The following CADM2 variants were observed in gnomAD, a reference collection of about 807,000 sequenced individuals.
CADM2 encodes the protein cell adhesion molecule 2, also known as immunoglobulin superfamily member 4D.
In CADM2, 12 loss-of-function variants were observed where a neutral mutation model predicts 49.8. The observed-to-expected ratio is 0.24, with a 90% CI of 0.15 to 0.39. The LOEUF is 0.39. CADM2 is among the 10% of genes least tolerant of loss of function. The pLI is 1.00. For missense variants in CADM2, 378 were observed against 492.3 expected (o/e 0.77, Z 2.20); for synonymous variants, 214 against 175.4 (o/e 1.22, Z -1.74).
intron 1 of CADM2, among the ~76,000 whole-genome samples, chr3:85,073,785 A>G (rs2036842832): frequency 6.6e-6 from 1 of 152,144 alleles, no homozygotes; most frequent in African/African-American, 2.4e-5. Context: ...TGGGTATTTC[A>G]CACTGACAGC....
intron 1 of CADM2, among the ~76,000 whole-genome samples, chr3:85,192,047 A>G (rs2041222003): frequency 6.6e-6 from 1 of 151,898 alleles, no homozygotes; most frequent in Non-Finnish European, 1.5e-5. Flanking sequence ...AATGAAATAA[A>G]ATTTTACCTG....
intron 8 of CADM2, among the ~76,000 whole-genome samples, chr3:86,051,103 G>A (rs937481285): frequency 2.0e-5 from 3 of 151,792 alleles, no homozygotes; most frequent in Non-Finnish European, 4.4e-5. Context: ...ATCATTTCTT[G>A]GCTTACACAT....
chr3:85,499,234 T>C (rs868257025), intron 1 of CADM2, among the ~76,000 whole-genome samples: 14 of 152,208 alleles, frequency 9.2e-5, no homozygotes, highest in Non-Finnish European at 1.9e-4. Flanking sequence ...TAACAATTAA[T>C]GAGGGAAAAT....
At chr3:85,586,008 C>A (rs1430910557) in intron 1 of CADM2, among the ~76,000 whole-genome samples, 1 of 152,064 alleles carries the variant, frequency 6.6e-6, no homozygotes. Flanking sequence ...TAAAATTAAT[C>A]TCAGCTGTAC....
chr3:85,731,927 CT>C (rs1367155809), intron 2 of CADM2, among the ~76,000 whole-genome samples: 1 of 151,658 alleles, frequency 6.6e-6, no homozygotes, highest in African/African-American at 2.4e-5. Flanking sequence ...CACTTAACTA[CT>C]TTTTTAAAGC....
At chr3:85,647,904 A>G (rs1232185552) in intron 1 of CADM2, among the ~76,000 whole-genome samples, 1 of 151,884 alleles carries the variant, frequency 6.6e-6, no homozygotes, top group East Asian at 1.9e-4. Context: ...TTATGTATCA[A>G]TAGATCCTTT....
At chr3:85,915,904 T>A (rs1470925672) in intron 6 of CADM2, among the ~76,000 whole-genome samples, 1 of 152,116 alleles carries the variant, frequency 6.6e-6, no homozygotes, top group African/African-American at 2.4e-5. Flanking sequence ...CAGCTATGAC[T>A]ACATCTAAAA....
At chr3:85,494,012 C>T (rs1391520594) in intron 1 of CADM2, among the ~76,000 whole-genome samples, 3 of 152,002 alleles carry the variant, frequency 2.0e-5, no homozygotes, top group Admixed American at 6.6e-5. Context: ...AGAAATGCCA[C>T]GAGTTATAAG....
At chr3:85,787,101 A>G (rs563342092) in intron 2 of CADM2, among the ~76,000 whole-genome samples, 1 of 152,108 alleles carries the variant, frequency 6.6e-6, no homozygotes, top group African/African-American at 2.4e-5. Context: ...ATTGCAGTTT[A>G]TAAGCCAGCA....
chr3:84,973,398 C>T (rs959305185), intron 1 of CADM2, among the ~76,000 whole-genome samples: 6 of 151,940 alleles, frequency 3.9e-5, no homozygotes, highest in African/African-American at 4.8e-5. Flanking sequence ...TTCCTCCAGT[C>T]GTTTATCCTG....
At chr3:85,984,699 T>C (rs1727883718) in intron 8 of CADM2, among the ~76,000 whole-genome samples, 1 of 151,874 alleles carries the variant, frequency 6.6e-6, no homozygotes, top group South Asian at 2.1e-4. Flanking sequence ...AAATACACCA[T>C]ACATTTCAAT....
intron 2 of CADM2, among the ~76,000 whole-genome samples, chr3:85,798,935 C>T (rs1244573942): frequency 3.3e-5 from 5 of 152,092 alleles, no homozygotes; most frequent in Non-Finnish European, 7.4e-5. Flanking sequence ...TTTTTGTCCC[C>T]TCTTATTTTT....
At chr3:85,592,600 G>A (rs1444619255) in intron 1 of CADM2, among the ~76,000 whole-genome samples, 1 of 151,886 alleles carries the variant, frequency 6.6e-6, no homozygotes, top group African/African-American at 2.4e-5. Flanking sequence ...ATGGAAACAA[G>A]AAAAAGCATA....
intron 3 of CADM2, among the ~76,000 whole-genome samples, chr3:85,857,282 T>C (rs2108310603): frequency 6.6e-6 from 1 of 152,206 alleles, no homozygotes; most frequent in Non-Finnish European, 1.5e-5. Context: ...TTCAGTTCAC[T>C]GTAGAGGTTG....
intron 1 of CADM2, among the ~76,000 whole-genome samples, chr3:85,350,731 T>C (rs1278110059): frequency 6.6e-6 from 1 of 152,040 alleles, no homozygotes; most frequent in East Asian, 1.9e-4. Context: ...AAGGTACTCG[T>C]CATCTAGAAC....
chr3:85,857,607 T>C (rs1369199190), intron 3 of CADM2, among the ~76,000 whole-genome samples: 1 of 152,056 alleles, frequency 6.6e-6, no homozygotes, highest in Non-Finnish European at 1.5e-5. Flanking sequence ...CCTCCCAAAG[T>C]GTTGGGTAAC....
chr3:85,456,479 C>A (rs1021332228), intron 1 of CADM2, among the ~76,000 whole-genome samples: 2 of 152,100 alleles, frequency 1.3e-5, no homozygotes, highest in African/African-American at 4.8e-5. Flanking sequence ...GAATGATATT[C>A]TGTGCAGTCT....
chr3:85,595,690 C>G, intron 1 of CADM2, among the ~76,000 whole-genome samples: 1 of 151,968 alleles, frequency 6.6e-6, no homozygotes, highest in East Asian at 1.9e-4. Flanking sequence ...AAACCTGATA[C>G]AGTTTCTGAA....
intron 1 of CADM2, among the ~76,000 whole-genome samples, chr3:85,642,583 A>T (rs753578696): frequency 6.6e-6 from 1 of 152,154 alleles, no homozygotes; most frequent in African/African-American, 2.4e-5. Flanking sequence ...TGATGATAAA[A>T]TTTTTAGGAA....
Sources: gnomAD v4.1 joint callset for allele counts (sites outside exome capture counted in the v4.1 genomes callset) on GRCh38, gnomAD v4.1.1 for gene constraint, MANE v1.5 for transcripts, NCBI Gene and HGNC (gene_info 2026-07-23, HGNC 2026-07-21) for gene names.